The following BAZ2B variants were observed in gnomAD, a reference collection of about 807,000 sequenced individuals.
The protein encoded by BAZ2B is bromodomain adjacent to zinc finger domain protein 2B.
Under a neutral mutation model 246.0 loss-of-function variants are expected in BAZ2B, and 91 were observed. The ratio of observed to expected loss-of-function variants is 0.37; its 90% CI spans 0.31 to 0.44. The LOEUF is 0.44. Among genes scored for constraint, BAZ2B ranks in the 20% least tolerant of loss-of-function variants. The pLI is 1.00. For missense variants in BAZ2B, 2,332 were observed against 2,533.7 expected (o/e 0.92, Z 1.71); for synonymous variants, 855 against 860.0 (o/e 0.99, Z 0.10).
chr2:159,582,401 T>G (rs1263579288), intron 1 of BAZ2B, among the ~76,000 whole-genome samples: 3 of 152,194 alleles, frequency 2.0e-5, no homozygotes, highest in Non-Finnish European at 4.4e-5. Flanking sequence ...ATAAATGCAC[T>G]GGGTAAGTTC....
At chr2:159,683,559 T>C in the BAZ2B span, among the ~76,000 whole-genome samples, 12 of 152,274 alleles carry the variant, frequency 7.9e-5, 1 homozygote, top group Admixed American at 2.0e-4. Flanking sequence ...CTATAAAAAA[T>C]TGCCATAAAC....
chr2:159,394,631 C>A (rs1032311468), intron 20 of BAZ2B, among the ~76,000 whole-genome samples: 2 of 152,050 alleles, frequency 1.3e-5, no homozygotes, highest in Non-Finnish European at 2.9e-5. Context: ...TAGTTCGCAA[C>A]CTGGGATGCA....
intron 30 of BAZ2B, among the ~76,000 whole-genome samples, chr2:159,347,959 G>A (rs976202716): frequency 6.6e-6 from 1 of 152,118 alleles, no homozygotes; most frequent in African/African-American, 2.4e-5. Flanking sequence ...ATCTGTGGGG[G>A]ATTGGTTCTA....
rs1244056416 is a variant in BAZ2B, at chr2:159,398,828, C to A, written c.2964+1G>T. 1.2e-6 allele frequency: 2 copies of A among 1,609,724 alleles called. No homozygotes were observed. The highest frequency in any genetic ancestry group is 1.7e-5 in the Admixed American group (1 of 59,872). On this transcript the variant is annotated splice_donor_variant, in intron 18 of 36. Transcript: ENST00000392783. LOFTEE classifies it high-confidence loss of function. ...AAACTCTGATTCTCATCTAAACTAA[C>A]CTTTATTCGTTTCTCGGCCTCCAAT...
chr2:159,556,564 G>A (rs12104623), intron 1 of BAZ2B, among the ~76,000 whole-genome samples: 8,221 of 141,258 alleles, frequency 0.058, 383 homozygotes, highest in African/African-American at 0.16. Flanking sequence ...GGGTTCAAGC[G>A]ATTTTTGTGC....
At chr2:159,664,905 G>C in the BAZ2B span, among the ~76,000 whole-genome samples, 1 of 149,354 alleles carries the variant, frequency 6.7e-6, no homozygotes, top group Non-Finnish European at 1.5e-5. Flanking sequence ...GTCAATTTTG[G>C]CTTTTGTTGC....
At chr2:159,373,342 A>G (rs1037673162) in intron 26 of BAZ2B, among the ~76,000 whole-genome samples, 153 bp from the exon 27 acceptor site, 1 of 152,246 alleles carries the variant, frequency 6.6e-6, no homozygotes, top group Non-Finnish European at 1.5e-5. Context: ...CCTGACTTCA[A>G]TTTCAGTAAC....
chr2:159,486,937 T>A (rs1413104668), intron 2 of BAZ2B, among the ~76,000 whole-genome samples: 3 of 152,084 alleles, frequency 2.0e-5, no homozygotes, highest in African/African-American at 7.2e-5. Context: ...TCATTTGTGA[T>A]AAAGAAAAAT....
the BAZ2B span, among the ~76,000 whole-genome samples, chr2:159,654,923 G>C: frequency 6.6e-6 from 1 of 152,124 alleles, no homozygotes; most frequent in South Asian, 2.1e-4. Flanking sequence ...AAGGTAAAAA[G>C]ACATGTAAAA....
chr2:159,512,955 TTTTTAA>T (rs1274363224), intron 2 of BAZ2B, among the ~76,000 whole-genome samples: 1 of 152,130 alleles, frequency 6.6e-6, no homozygotes, highest in East Asian at 1.9e-4. Flanking sequence ...GTCTAAAAAA[TTTTTAA>T]TTTTAACATC....
chr2:159,555,570 T>G (rs1482725537), intron 2 of BAZ2B: 1 of 152,232 alleles, frequency 6.6e-6, no homozygotes, highest in Non-Finnish European at 1.5e-5. Flanking sequence ...ATTTAGTATA[T>G]TTAGGCCTGT....
At chr2:159,425,976 C>T (rs1187077451) in intron 13 of BAZ2B, among the ~76,000 whole-genome samples, 4 of 152,056 alleles carry the variant, frequency 2.6e-5, no homozygotes, top group Admixed American at 1.3e-4. Context: ...GATGACTTAC[C>T]TTTAATTGTT....
chr2:159,687,582 T>A, the BAZ2B span, among the ~76,000 whole-genome samples: 25 of 152,372 alleles, frequency 1.6e-4, 1 homozygote, highest in Admixed American at 8.5e-4. Context: ...CAGAAGCTCC[T>A]GTACTCAAGA....
intron 2 of BAZ2B, among the ~76,000 whole-genome samples, chr2:159,542,620 G>C (rs1391781434): frequency 2.6e-5 from 4 of 152,032 alleles, no homozygotes; most frequent in Admixed American, 2.6e-4. Context: ...CCAGGCAAGA[G>C]AGTAAGATCC....
chr2:159,593,512 T>C (rs532967367), intron 1 of BAZ2B, among the ~76,000 whole-genome samples: 9 of 152,316 alleles, frequency 5.9e-5, no homozygotes, highest in African/African-American at 2.2e-4. Context: ...TTATCCACAT[T>C]TTCACTGTGA....
the BAZ2B span, among the ~76,000 whole-genome samples, chr2:159,645,417 T>C: frequency 2.0e-5 from 3 of 152,088 alleles, no homozygotes; most frequent in East Asian, 5.8e-4. Flanking sequence ...GAGGGTGCCA[T>C]GGTTTCAGAA....
At chr2:159,490,517 T>G (rs1224456494) in intron 2 of BAZ2B, among the ~76,000 whole-genome samples, 1 of 152,130 alleles carries the variant, frequency 6.6e-6, no homozygotes, top group Non-Finnish European at 1.5e-5. Flanking sequence ...AGAGTTTTTT[T>G]GTTTGTTTGT....
At chr2:159,437,040 A>T (rs528910821) in intron 8 of BAZ2B, among the ~76,000 whole-genome samples, 1 of 152,176 alleles carries the variant, frequency 6.6e-6, no homozygotes, top group African/African-American at 2.4e-5. Context: ...GTAAATGAGG[A>T]TAATATTAGT....
intron 1 of BAZ2B, among the ~76,000 whole-genome samples, chr2:159,603,769 TA>T (rs1692743569): frequency 6.6e-6 from 1 of 152,188 alleles, no homozygotes; most frequent in Non-Finnish European, 1.5e-5. Flanking sequence ...CCAAGGTCAC[TA>T]ATGTCCTTGT....
Sources: allele counts gnomAD v4.1 joint callset (sites outside exome capture counted in the v4.1 genomes callset), GRCh38; gene constraint gnomAD v4.1.1; transcripts MANE v1.5; gene names NCBI Gene and HGNC (gene_info 2026-07-23, HGNC 2026-07-21).